CERS6: variants seen among roughly 807,000 people sequenced by gnomAD.
The protein encoded by CERS6 is LAG1 homolog, ceramide synthase 6.
In CERS6, 26 loss-of-function variants were observed where a neutral mutation model predicts 56.8. The ratio of observed to expected loss-of-function variants is 0.46; its 90% confidence interval spans 0.34 to 0.63. The LOEUF is 0.63. CERS6 is among the 30% of genes least tolerant of loss of function. The pLI is 0.01. For missense variants in CERS6, 415 were observed against 467.5 expected (o/e 0.89, Z 1.04); for synonymous variants, 164 against 173.3 (o/e 0.95, Z 0.42).
chr2:168,731,757 T>C lies in CERS6; in HGVS notation c.845+13779T>C, dbSNP rs563556126. Among the ~76,000 whole-genome samples, 23 of 152,228 alleles carry C rather than the reference T, an allele frequency of 1.5e-4. No individual in the cohort carries two copies. In the East Asian group the frequency reaches 1.5e-3, roughly 10 times the overall value. ...CCACCCTTGGGGATTTCTCATCAGG[T>C]TTACTGTGTTGTCAATTAGGTGCCC... On this transcript the variant is annotated intron_variant, in intron 8 of 9. Coordinates refer to ENST00000305747, the MANE Select transcript of CERS6 (RefSeq NM_203463.3).
rs566626136 is a variant in CERS6 at position 168,772,005 on chromosome 2, G to A, written c.*2343G>A. 1 of 152,216 alleles carries A rather than the reference G, an allele frequency of 6.6e-6. No individual in the cohort carries two copies. The highest frequency in any genetic ancestry group is 2.4e-5 in the African/African-American group (1 of 41,514). The allele number at this position is 152,216 out of a possible 1,614,324, so 9.4% of individuals were successfully genotyped here. On this transcript the variant is annotated 3_prime_UTR_variant, in exon 10 of 10. Coordinates refer to ENST00000305747, the MANE Select transcript of CERS6 (RefSeq NM_203463.3). ...TACATTTTAGGGCACAGTTCTTTGG[G>A]GCTAATTAAAATGGGGTTTGCAGGC...
At chr2:168,654,539 G>T (rs576213060) in intron 4 of CERS6, among the ~76,000 whole-genome samples, 1 of 152,104 alleles carries the variant, frequency 6.6e-6, no homozygotes, top group Non-Finnish European at 1.5e-5. Flanking sequence ...GTGAAACTCT[G>T]TCTCAAAAAA....
At chr2:168,550,078 G>C (rs1695538899) in intron 2 of CERS6, among the ~76,000 whole-genome samples, 1 of 152,106 alleles carries the variant, frequency 6.6e-6, no homozygotes, top group Admixed American at 6.5e-5. Flanking sequence ...GGGACCCCTT[G>C]TTCAAAAAGC....
chr2:168,686,247 G>T (rs1171091045), intron 4 of CERS6, among the ~76,000 whole-genome samples: 3 of 150,314 alleles, frequency 2.0e-5, no homozygotes, highest in Admixed American at 2.0e-4. Context: ...CACGCGCGTG[G>T]AGAGGGAGAA....
intron 2 of CERS6, among the ~76,000 whole-genome samples, chr2:168,558,741 C>T (rs1246714740): frequency 5.9e-5 from 9 of 152,136 alleles, no homozygotes; most frequent in Non-Finnish European, 7.4e-5. Flanking sequence ...TGGTGGCTGG[C>T]GCCTGTAGTC....
chr2:168,466,624 G>T (rs539134370), intron 1 of CERS6, among the ~76,000 whole-genome samples: 2 of 152,286 alleles, frequency 1.3e-5, no homozygotes, highest in Non-Finnish European at 1.5e-5. Context: ...ACAAAATACT[G>T]TTTTCCGTAA....
At chr2:168,535,581 C>T (rs1457861809) in intron 1 of CERS6, among the ~76,000 whole-genome samples, 1 of 151,300 alleles carries the variant, frequency 6.6e-6, no homozygotes, top group Admixed American at 6.6e-5. Context: ...GATTCACACG[C>T]TTACTATGGT....
At chr2:168,702,666 A>T (rs1052328036) in intron 6 of CERS6, among the ~76,000 whole-genome samples, 2 of 152,248 alleles carry the variant, frequency 1.3e-5, no homozygotes, top group African/African-American at 4.8e-5. Flanking sequence ...AAAATCATGC[A>T]TGAGTGAAAG....
At chr2:168,759,436 GAA>G (rs1372200563) in intron 8 of CERS6, among the ~76,000 whole-genome samples, 3 of 152,274 alleles carry the variant, frequency 2.0e-5, no homozygotes, top group African/African-American at 7.2e-5. Flanking sequence ...TAACATGAAT[GAA>G]AAGAAAAATG....
At chr2:168,645,116 A>AAAAAAAAAT (rs1553503146) in intron 4 of CERS6, among the ~76,000 whole-genome samples, 1 of 19,018 alleles carries the variant, frequency 5.3e-5, no homozygotes, top group Non-Finnish European at 1.0e-4. Flanking sequence ...AAAAAAAAAA[A>AAAAAAAAAT]ATATATATAT....
chr2:168,709,703 CCTAAAATGCTAAT>C (rs1451970838), intron 6 of CERS6, among the ~76,000 whole-genome samples: 3 of 152,156 alleles, frequency 2.0e-5, no homozygotes, highest in Non-Finnish European at 4.4e-5. Context: ...AACATTTCAA[CCTAAAATGCTAAT>C]GTTCTTTCAG....
In CERS6 at chr2:168,757,357, GAAAA is replaced by G. The variant is rs11332737; in HGVS notation, c.846-8221_846-8218del. On this transcript the variant is annotated intron_variant, in intron 8 of 9. Transcript: ENST00000305747. Reference sequence around the variant, plus strand: ...AATAGGGCAGCAACTACTTTTGGAGGAAAAAAAAAAAAAAAAACATCTGCCCCAG... The same window carrying G: ...AATAGGGCAGCAACTACTTTTGGAGGAAAAAAAAAAAAACATCTGCCCCAG... Among the ~76,000 whole-genome samples, 9 of 113,180 alleles carry G rather than the reference GAAAA, an allele frequency of 8.0e-5. 1 individual carries two copies. Among genetic ancestry groups the G allele is most frequent in the Admixed American group, 3.7e-4 (4 of 10,840 alleles). 74.3% of individuals were successfully genotyped at this position (113,180 alleles called of 152,430 possible).
intron 4 of CERS6, among the ~76,000 whole-genome samples, chr2:168,676,841 A>G (rs1206341003): frequency 6.6e-6 from 1 of 152,162 alleles, no homozygotes; most frequent in Non-Finnish European, 1.5e-5. Context: ...AATGACTTTT[A>G]TGCTTCATCA....
chr2:168,668,958 A>G (rs974200911), intron 4 of CERS6, among the ~76,000 whole-genome samples: 5 of 152,160 alleles, frequency 3.3e-5, no homozygotes, highest in African/African-American at 4.8e-5. Flanking sequence ...AATTCACAGG[A>G]TGGGTACTGT....
At chr2:168,719,435 G>A (rs1040975326) in intron 8 of CERS6, among the ~76,000 whole-genome samples, 1 of 152,206 alleles carries the variant, frequency 6.6e-6, no homozygotes, top group African/African-American at 2.4e-5. Flanking sequence ...TAGAGGGTAA[G>A]GTGTAATGGA....
In CERS6 at chr2:168,694,492, A is replaced by T. The variant is rs988861971; in HGVS notation, c.517-467A>T. On this transcript the variant is annotated intron_variant, in intron 5 of 9. Coordinates refer to ENST00000305747, the MANE Select transcript of CERS6 (RefSeq NM_203463.3). ...ATGTACTGAACATTTTTTTCTAATA[A>T]CAAAAAAAAGAGCTTTCTGATTAAT... Among the ~76,000 whole-genome samples the T allele has an allele frequency of 5.9e-5, 9 of 152,254 alleles. No homozygotes were observed. In the East Asian group the frequency reaches 9.6e-4, roughly 16 times the overall value.
At chr2:168,698,471 A>G (rs1473153086) in intron 6 of CERS6, among the ~76,000 whole-genome samples, 1 of 152,054 alleles carries the variant, frequency 6.6e-6, no homozygotes, top group Non-Finnish European at 1.5e-5. Flanking sequence ...AGCAAAAGAG[A>G]GGGAAAGGTG....
intron 5 of CERS6, among the ~76,000 whole-genome samples, chr2:168,694,001 T>C (rs1437496637): frequency 6.6e-6 from 1 of 152,190 alleles, no homozygotes; most frequent in Admixed American, 6.5e-5. Context: ...ATGCTGCTAT[T>C]GGTGTACAAA....
intron 2 of CERS6, among the ~76,000 whole-genome samples, chr2:168,556,976 GAAA>G (rs1317019968): frequency 1.8e-5 from 2 of 110,510 alleles, no homozygotes; most frequent in Non-Finnish European, 3.5e-5. Flanking sequence ...GCAACATGGT[GAAA>G]CCTTGTCTCT....
Sources: allele counts gnomAD v4.1 joint callset (sites outside exome capture counted in the v4.1 genomes callset), GRCh38; gene constraint gnomAD v4.1.1; transcripts MANE v1.5; gene names NCBI Gene and HGNC (gene_info 2026-07-23, HGNC 2026-07-21).